PCDHGB6: variants seen among roughly 807,000 people sequenced by gnomAD.
PCDHGB6 encodes the protein protocadherin gamma subfamily B, 6.
Under a neutral mutation model 59.1 loss-of-function variants are expected in PCDHGB6, and 51 were observed. That is an observed-to-expected ratio of 0.86 (90% CI 0.69 to 1.09). The LOEUF is 1.09. PCDHGB6 is among the 50% of genes least tolerant of loss of function. PCDHGB6 has a pLI of 0.00. For missense variants in PCDHGB6, 1,148 were observed against 1,205.1 expected (o/e 0.95, Z 0.70); for synonymous variants, 466 against 495.1 (o/e 0.94, Z 0.78).
At chr5:141,510,519 C>A (rs182721864) in intron 3 of PCDHGB6, among the ~76,000 whole-genome samples, 1 of 152,260 alleles carries the variant, frequency 6.6e-6, no homozygotes, top group East Asian at 1.9e-4. Context: ...CGTGTCACAG[C>A]CCTGAGAGAA....
At chr5:141,463,402 T>C (rs1214124103) in intron 1 of PCDHGB6, among the ~76,000 whole-genome samples, 1 of 149,978 alleles carries the variant, frequency 6.7e-6, no homozygotes, top group African/African-American at 2.5e-5. Context: ...GCAAAAAAAA[T>C]GGAGATCCTA....
At chr5:141,423,734 T>C in intron 1 of PCDHGB6, 1 of 969,626 alleles carries the variant, frequency 1.0e-6, no homozygotes, top group Non-Finnish European at 1.3e-6. Flanking sequence ...TTTTTGAGCC[T>C]GTTATGAAAA....
intron 1 of PCDHGB6, chr5:141,415,234 A>G: frequency 1.2e-6 from 2 of 1,614,136 alleles, no homozygotes; most frequent in Non-Finnish European, 1.7e-6. Context: ...GTCTCCAGCT[A>G]ACTCTGAAAC....
intron 1 of PCDHGB6, chr5:141,430,826 C>A: frequency 6.4e-7 from 1 of 1,550,416 alleles, no homozygotes; most frequent in Non-Finnish European, 8.7e-7. Flanking sequence ...CCTGGGGACT[C>A]TGTGGGAGAC....
chr5:141,425,177 GGAATTCCAAACTGA>G (rs2096860295), intron 1 of PCDHGB6, among the ~76,000 whole-genome samples: 1 of 152,036 alleles, frequency 6.6e-6, no homozygotes, highest in South Asian at 2.1e-4. Flanking sequence ...TTATACTTGT[GGAATTCCAAACTGA>G]GAAAAATGAT....
Position 141,476,348 on chromosome 5 carries a change from G to C in PCDHGB6, c.2419-18459G>C, listed in dbSNP as rs764669470. Reference sequence around the variant, plus strand: ...GTCTGGAGCTAGCCGAAGATTCTTTGAGGTGAACCGGGAGACCGGAGAGAT... The same window carrying C: ...GTCTGGAGCTAGCCGAAGATTCTTTCAGGTGAACCGGGAGACCGGAGAGAT... On this transcript the variant is annotated intron_variant, in intron 1 of 3. Transcript: ENST00000520790. The surrounding 1 kb of genome is among the most constrained non-coding windows in gnomAD (Gnocchi z 7.6). 2 of 1,614,190 alleles carry C rather than the reference G, an allele frequency of 1.2e-6. No individual in the cohort carries two copies. The highest frequency in any genetic ancestry group is 2.2e-5 in the South Asian group (2 of 91,078).
In PCDHGB6 at chr5:141,502,866, CT is replaced by C. The variant is rs549047197; in HGVS notation, c.2478-2513del. Among the ~76,000 whole-genome samples the C allele has an allele frequency of 2.5e-3, 324 of 127,930 alleles. 1 individual carries two copies. Among genetic ancestry groups the C allele is most frequent in the Non-Finnish European group, 3.0e-3 (189 of 62,366 alleles). 83.9% of individuals were successfully genotyped at this position (127,930 alleles called of 152,430 possible). On this transcript the variant is annotated intron_variant, in intron 2 of 3. Transcript: ENST00000520790. ...GAGCTGCCTAACCCTGACTCTCTGT[CT>C]TTTTTTTTTTTTTGACAGGGAGTCT...
chr5:141,417,518 G>C (rs193231266), intron 1 of PCDHGB6: 8 of 257,454 alleles, frequency 3.1e-5, no homozygotes, highest in Non-Finnish European at 5.1e-5. Context: ...TATTTTGGCT[G>C]TCAACTCGTA....
At chr5:141,456,204 C>A (rs867187371) in intron 1 of PCDHGB6, among the ~76,000 whole-genome samples, 17 of 152,222 alleles carry the variant, frequency 1.1e-4, no homozygotes, top group South Asian at 2.1e-4. Context: ...CTACCACATT[C>A]CTCCCTGTGG....
At position 141,497,121 on chromosome 5, in the gene PCDHGB6, G is replaced by T. The variant is rs185298630; in HGVS notation, c.2477+2256G>T. Among the ~76,000 whole-genome samples, 563 of 152,212 alleles carry T rather than the reference G, an allele frequency of 3.7e-3. 5 individuals are homozygous for T. The highest frequency in any genetic ancestry group is 0.011 in the Admixed American group (164 of 15,296). On this transcript the variant is annotated intron_variant, in intron 2 of 3. Coordinates refer to ENST00000520790, the MANE Select transcript of PCDHGB6 (RefSeq NM_018926.3). Reference sequence around the variant, plus strand: ...GAACTGCTTGAACCCGGAAGGCAGAGGTTGCAGTGAGCTGAGATCACGAAA... The same window carrying T: ...GAACTGCTTGAACCCGGAAGGCAGATGTTGCAGTGAGCTGAGATCACGAAA...
At chr5:141,450,982 A>G (rs746572732) in intron 1 of PCDHGB6, among the ~76,000 whole-genome samples, 18 of 151,360 alleles carry the variant, frequency 1.2e-4, no homozygotes, top group Non-Finnish European at 1.9e-4. Context: ...GTGCCACCAC[A>G]CCCGGCTAAT....
Position 141,476,290 on chromosome 5 carries a change from C to G in PCDHGB6, c.2419-18517C>G, listed in dbSNP as rs768208156. The stretch of plus-strand genomic sequence containing the variant: ...TGGTCGCGAACCTTGGTTTGGATCT[C>G]GGTAGCCTCTCAGCCCGCAGGTTCC... On this transcript the variant is annotated intron_variant, in intron 1 of 3. Coordinates refer to ENST00000520790, the MANE Select transcript of PCDHGB6 (RefSeq NM_018926.3). The surrounding 1 kb of genome is among the most constrained non-coding windows in gnomAD (Gnocchi z 7.6). 1 of 1,614,050 alleles carries G rather than the reference C, an allele frequency of 6.2e-7. No homozygotes were observed. The highest frequency in any genetic ancestry group is 1.7e-5 in the Admixed American group (1 of 60,012).
In PCDHGB6 at chr5:141,490,091, A is replaced by T; in HGVS notation, c.2419-4716A>T. 6.2e-7 allele frequency: 1 copy of T among 1,614,240 alleles called. No homozygotes were observed. Among genetic ancestry groups the T allele is most frequent in the East Asian group, 2.2e-5 (1 of 44,888 alleles). ...CAACTAGACTATTCTTTTGGAGACC[A>T]CACATCTGAGGCAGTGCGGAACCTC... On this transcript the variant is annotated intron_variant, in intron 1 of 3. Coordinates refer to ENST00000520790, the MANE Select transcript of PCDHGB6 (RefSeq NM_018926.3). The surrounding 1 kb of genome is among the most constrained non-coding windows in gnomAD (Gnocchi z 5.4).
intron 1 of PCDHGB6, among the ~76,000 whole-genome samples, chr5:141,425,293 T>A (rs1332220576): frequency 1.3e-5 from 2 of 152,172 alleles, no homozygotes; most frequent in African/African-American, 4.8e-5. Context: ...TTATAAAACC[T>A]CATCTAAACT....
intron 1 of PCDHGB6, chr5:141,422,068 T>C (rs1340696188): frequency 2.5e-6 from 4 of 1,612,076 alleles, no homozygotes; most frequent in Non-Finnish European, 3.4e-6. Flanking sequence ...AGTAATGTAT[T>C]CATTTCGGAA....
intron 1 of PCDHGB6, chr5:141,414,787 G>T (rs372484037): frequency 6.2e-7 from 1 of 1,614,230 alleles, no homozygotes; most frequent in Admixed American, 1.7e-5. Context: ...GCAGGTGACA[G>T]CCAGCGACAG....
chr5:141,419,765 G>A, intron 1 of PCDHGB6: 1 of 1,614,016 alleles, frequency 6.2e-7, no homozygotes, highest in Non-Finnish European at 8.5e-7. Context: ...GGGTGACAAG[G>A]ACTCGGTCCG....
At chr5:141,466,684 G>A (rs1337230884) in intron 1 of PCDHGB6, among the ~76,000 whole-genome samples, 1 of 152,034 alleles carries the variant, frequency 6.6e-6, no homozygotes, top group Non-Finnish European at 1.5e-5. Flanking sequence ...TTCCACTCAA[G>A]CTTCATCATA....
intron 1 of PCDHGB6, chr5:141,413,652 G>A: frequency 6.2e-7 from 1 of 1,613,780 alleles, no homozygotes; most frequent in Non-Finnish European, 8.5e-7. Context: ...TTCCTCTCCC[G>A]GAAGCTATTG....
Sources: allele counts gnomAD v4.1 joint callset (sites outside exome capture counted in the v4.1 genomes callset), GRCh38; gene constraint gnomAD v4.1.1; non-coding constraint Gnocchi (gnomAD v3.1); transcripts MANE v1.5; gene names NCBI Gene and HGNC (gene_info 2026-07-23, HGNC 2026-07-21).